TTLL11: variants seen among roughly 807,000 people sequenced by gnomAD.
TTLL11 encodes tubulin tyrosine ligase like 11.
Under a neutral mutation model 51.7 loss-of-function variants are expected in TTLL11, and 42 were observed. The ratio of observed to expected loss-of-function variants is 0.81; its 90% confidence interval spans 0.64 to 1.05. The LOEUF (loss-of-function observed/expected upper bound fraction) is 1.05, where lower values mean the gene tolerates loss of function less well. Among genes scored for constraint, TTLL11 ranks in the 50% least tolerant of loss-of-function variants. TTLL11 has a pLI of 0.00. For synonymous variants in TTLL11, 381 were observed against 383.5 expected (o/e 0.99, Z 0.08); for missense variants, 799 against 940.4 (o/e 0.85, Z 1.97).
At chr9:122,060,180 G>C (rs182650606) in intron 1 of TTLL11, among the ~76,000 whole-genome samples, 3 of 152,300 alleles carry the variant, frequency 2.0e-5, no homozygotes, top group East Asian at 3.9e-4. Context: ...CACTCAAAGG[G>C]AAGAGGATTA....
At chr9:121,948,789 A>G (rs1841757379) in intron 6 of TTLL11, among the ~76,000 whole-genome samples, 1 of 152,174 alleles carries the variant, frequency 6.6e-6, no homozygotes, top group Non-Finnish European at 1.5e-5. Flanking sequence ...AATGGGTGAC[A>G]TTGCATGGCT....
In TTLL11 at chr9:121,822,463, C is replaced by T. The variant is rs539395059; in HGVS notation, c.*124G>A. On this transcript the variant is annotated 3_prime_UTR_variant, in exon 9 of 9. Transcript: ENST00000321582. This position sits in a 1 kb window ranked among gnomAD's most constrained non-coding sequence, Gnocchi z 5.8. Reference sequence around the variant, plus strand: ...AGCTCAGCCGCACACAGAGACAGTTCGTGGGGACCTCAGCTGGGCCCCTCG... The same window carrying T: ...AGCTCAGCCGCACACAGAGACAGTTTGTGGGGACCTCAGCTGGGCCCCTCG... 1.3e-4 allele frequency: 124 copies of T among 933,118 alleles called. No homozygotes were observed. In the African/African-American group the frequency reaches 1.5e-3, roughly 11 times the overall value. The allele number at this position is 933,118 out of a possible 1,614,324, so 57.8% of individuals were successfully genotyped here. A position where few individuals can be genotyped will look rare whatever the true frequency, so the allele number is the denominator to read the frequency against.
At chr9:121,866,612 A>T (rs1217910319) in intron 7 of TTLL11, among the ~76,000 whole-genome samples, 1 of 148,434 alleles carries the variant, frequency 6.7e-6, no homozygotes, top group Non-Finnish European at 1.5e-5. Flanking sequence ...GTGAACAGAG[A>T]TTGCACCACT....
intron 3 of TTLL11, among the ~76,000 whole-genome samples, chr9:122,008,195 A>C (rs1280490924): frequency 6.6e-6 from 1 of 152,212 alleles, no homozygotes; most frequent in Non-Finnish European, 1.5e-5. Flanking sequence ...AAGACACAAC[A>C]ACCAAATGTG....
At chr9:122,065,231 C>T (rs1480995552) in intron 1 of TTLL11, among the ~76,000 whole-genome samples, 1 of 152,188 alleles carries the variant, frequency 6.6e-6, no homozygotes, top group Non-Finnish European at 1.5e-5. Context: ...CAATCGTTTA[C>T]TTAACTGCAA....
At chr9:121,975,699 G>A (rs1039785655) in intron 4 of TTLL11, among the ~76,000 whole-genome samples, 2 of 152,126 alleles carry the variant, frequency 1.3e-5, no homozygotes, top group Admixed American at 1.3e-4. Flanking sequence ...GTGACAGAAT[G>A]AGACTGTGTC....
At chr9:121,973,571 C>T (rs1262839651) in intron 6 of TTLL11, among the ~76,000 whole-genome samples, 3 of 149,354 alleles carry the variant, frequency 2.0e-5, no homozygotes, top group Admixed American at 6.7e-5. Context: ...GGAAGGGGAA[C>T]ATCACACACT....
At chr9:121,944,278 C>G (rs62574002) in intron 6 of TTLL11, among the ~76,000 whole-genome samples, 1 of 152,086 alleles carries the variant, frequency 6.6e-6, no homozygotes, top group African/African-American at 2.4e-5. Flanking sequence ...GAGGCCAAGG[C>G]GGGCAGATCA....
intron 3 of TTLL11, among the ~76,000 whole-genome samples, chr9:122,010,424 G>A: frequency 6.6e-6 from 1 of 152,218 alleles, no homozygotes; most frequent in South Asian, 2.1e-4. Flanking sequence ...CGTGGTTCAA[G>A]TATACCAGTG....
intron 8 of TTLL11, among the ~76,000 whole-genome samples, chr9:121,823,778 G>A (rs763682999): frequency 4.6e-5 from 7 of 152,016 alleles, no homozygotes; most frequent in Non-Finnish European, 8.8e-5. Context: ...CATTTCTCTG[G>A]CCCAAACCAT....
At chr9:121,835,092 G>A (rs1027385739) in intron 8 of TTLL11, among the ~76,000 whole-genome samples, 3 of 152,164 alleles carry the variant, frequency 2.0e-5, no homozygotes, top group African/African-American at 7.2e-5. Context: ...GGCCTCACTT[G>A]CTTCCCCTCT....
At chr9:121,965,408 C>T (rs1399653586) in intron 6 of TTLL11, among the ~76,000 whole-genome samples, 1 of 152,144 alleles carries the variant, frequency 6.6e-6, no homozygotes. Flanking sequence ...GAGAGAGAAG[C>T]GGGAGCTGCC....
intron 3 of TTLL11, among the ~76,000 whole-genome samples, chr9:122,029,511 T>G (rs1289264862): frequency 6.6e-6 from 1 of 152,082 alleles, no homozygotes; most frequent in Admixed American, 6.5e-5. Flanking sequence ...ATTCTAAAAG[T>G]AAAAATAATT....
At chr9:121,835,874 A>C (rs116726435) in intron 8 of TTLL11, among the ~76,000 whole-genome samples, 1,999 of 152,294 alleles carry the variant, frequency 0.013, 54 homozygotes, top group African/African-American at 0.046. Context: ...ACATTTCTCG[A>C]GAGATTAATG....
Position 121,931,179 on chromosome 9 carries a change from A to C in TTLL11, c.1481+42830T>G, listed in dbSNP as rs1366050936. On this transcript the variant is annotated intron_variant, in intron 6 of 8. Transcript: ENST00000321582. ...TTCACTGGGAAATTGCCTGAGTGGC[A>C]CCTGTCCCATTTGTCAAACACCGAA... Among the ~76,000 whole-genome samples the C allele has an allele frequency of 2.0e-5, 3 of 152,218 alleles. No individual in the cohort carries two copies. In the East Asian group the frequency reaches 5.8e-4, roughly 29 times the overall value.
chr9:121,929,161 GC>G (rs1840864045), intron 6 of TTLL11, among the ~76,000 whole-genome samples: 1 of 152,124 alleles, frequency 6.6e-6, no homozygotes, highest in African/African-American at 2.4e-5. Flanking sequence ...ACACATTTTG[GC>G]CGGGCGCGGT....
intron 4 of TTLL11, among the ~76,000 whole-genome samples, chr9:121,976,056 C>T (rs780663298): frequency 6.6e-6 from 1 of 152,048 alleles, no homozygotes; most frequent in African/African-American, 2.4e-5. Flanking sequence ...GCTTTCACAC[C>T]CAAGCAGGAC....
chr9:121,898,872 C>T (rs1839645079), intron 6 of TTLL11, among the ~76,000 whole-genome samples: 1 of 152,192 alleles, frequency 6.6e-6, no homozygotes, highest in Admixed American at 6.5e-5. Context: ...CATGTCTGGC[C>T]AGCTGCTGGG....
At chr9:122,004,011 A>T (rs1423738608) in intron 3 of TTLL11, among the ~76,000 whole-genome samples, 1 of 151,456 alleles carries the variant, frequency 6.6e-6, no homozygotes, top group Non-Finnish European at 1.5e-5. Flanking sequence ...AGTCCCAGCT[A>T]CTCAGGAGGC....
Sources: allele counts gnomAD v4.1 joint callset (sites outside exome capture counted in the v4.1 genomes callset), GRCh38; gene constraint gnomAD v4.1.1; non-coding constraint Gnocchi (gnomAD v3.1); transcripts MANE v1.5; gene names NCBI Gene and HGNC (gene_info 2026-07-23, HGNC 2026-07-21).